The following OLFML2B variants were observed in gnomAD, a reference collection of about 807,000 sequenced individuals.
OLFML2B encodes olfactomedin-like protein 2B.
A neutral mutation model predicts 74.9 loss-of-function variants in OLFML2B; 57 were observed. That is an observed-to-expected ratio of 0.76 (90% confidence interval 0.61 to 0.95). The LOEUF (loss-of-function observed/expected upper bound fraction) is 0.95. OLFML2B is among the 40% of genes least tolerant of loss of function. OLFML2B has a pLI of 0.00. For synonymous variants in OLFML2B, 388 were observed against 405.8 expected (o/e 0.96, Z 0.53); for missense variants, 986 against 970.6 (o/e 1.02, Z -0.21).
intron 6 of OLFML2B, among the ~76,000 whole-genome samples, chr1:161,992,764 C>T (rs1453713125): frequency 6.6e-6 from 1 of 152,142 alleles, no homozygotes; most frequent in Non-Finnish European, 1.5e-5. Context: ...TGCTTTGTAT[C>T]GGTGTGGGTG....
chr1:162,006,881 A>G lies in OLFML2B; in HGVS notation c.547-408T>C, dbSNP rs781090653. Among the ~76,000 whole-genome samples, 55 of 152,332 alleles carry G rather than the reference A, an allele frequency of 3.6e-4. 1 individual carries two copies. Among genetic ancestry groups the G allele is most frequent in the Admixed American group, 5.9e-4 (9 of 15,304 alleles). ...TCTGAACCAGTAGCTCAGTTAATGA[A>G]AGAGGGGCTTTCTAAGCAATTTTGG... On this transcript the variant is annotated intron_variant, in intron 3 of 7. Transcript: ENST00000294794.
chr1:161,988,288 T>C (rs1689643738), intron 6 of OLFML2B, among the ~76,000 whole-genome samples: 1 of 152,128 alleles, frequency 6.6e-6, no homozygotes, highest in South Asian at 2.1e-4. Flanking sequence ...CCTCAGCATA[T>C]AAACCTCCTC....
chr1:161,987,659 A>G (rs1366056956), intron 6 of OLFML2B, among the ~76,000 whole-genome samples: 1 of 152,214 alleles, frequency 6.6e-6, no homozygotes, highest in Non-Finnish European at 1.5e-5. Flanking sequence ...ACTGTTAGAG[A>G]GTACATTTCT....
intron 2 of OLFML2B, 35 bp downstream of exon 2, chr1:162,019,884 T>C: frequency 1.2e-6 from 2 of 1,605,444 alleles, no homozygotes; most frequent in Non-Finnish European, 1.7e-6. Flanking sequence ...AAAAGTGCCC[T>C]CTCGTCCAAG....
Position 161,983,806 on chromosome 1 carries a change from T to C in OLFML2B, c.2122A>G (p.Ile708Val). The change falls in exon 8 of 8, where the codon ATC becomes GTC. Residue 708 changes from isoleucine to valine, a missense_variant. Ile to Val is a conservative substitution (Grantham distance 29, BLOSUM62 3). Coordinates refer to ENST00000294794, the MANE Select transcript of OLFML2B (RefSeq NM_015441.3). The part of the protein sequence containing the change: ...YAFDTHTNTQ[I>V]VPRLLFENEY... ...TTCTCGAACAGCAGCCTGGGGACGATCTGTGTGTTGGTGTGGGTGTCGAAA... is the reference window on the plus strand; with the variant it reads ...TTCTCGAACAGCAGCCTGGGGACGACCTGTGTGTTGGTGTGGGTGTCGAAA... 1.2e-6 allele frequency: 2 copies of C among 1,614,080 alleles called. No homozygotes were observed. Among genetic ancestry groups the C allele is most frequent in the Middle Eastern group, 1.6e-4 (1 of 6,062 alleles).
intron 2 of OLFML2B, among the ~76,000 whole-genome samples, chr1:162,019,658 G>A (rs2101980827): frequency 6.6e-6 from 1 of 152,254 alleles, no homozygotes; most frequent in East Asian, 1.9e-4. Flanking sequence ...TTGGCCAGCT[G>A]GGCCTGGCAG....
chr1:162,022,244 CTTTTTTTT>C (rs56395023), intron 1 of OLFML2B, among the ~76,000 whole-genome samples: 1 of 70,738 alleles, frequency 1.4e-5, no homozygotes, highest in African/African-American at 5.9e-5. Context: ...TGTATCTCTT[CTTTTTTTT>C]TTTTTTTTTT....
At chr1:162,019,855 T>G in intron 2 of OLFML2B, 64 bp downstream of exon 2, 2 of 1,574,722 alleles carry the variant, frequency 1.3e-6, no homozygotes, top group East Asian at 4.5e-5. Flanking sequence ...ACCATGGCCT[T>G]ACCAGACTTG....
Position 162,023,484 on chromosome 1 carries a change from G to T in OLFML2B, c.-54C>A. On this transcript the variant is annotated 5_prime_UTR_variant, in exon 1 of 8. Coordinates refer to ENST00000294794, the MANE Select transcript of OLFML2B (RefSeq NM_015441.3). ...CCTTCAGAGAATGGCTGGGGCGGGG[G>T]GTCTCGGCAAGGACTTCTGCGAGAG... is the stretch of plus-strand genomic sequence containing the variant. 7.2e-7 allele frequency: 1 copy of T among 1,382,430 alleles called. No individual in the cohort carries two copies. Among genetic ancestry groups the T allele is most frequent in the Non-Finnish European group, 9.5e-7 (1 of 1,056,492 alleles). 85.6% of individuals were successfully genotyped at this position (1,382,430 alleles called of 1,614,324 possible).
rs1482872581 is a variant in OLFML2B at position 161,983,763 on chromosome 1, G to T, written c.2165C>A (p.Thr722Asn). The T allele has an allele frequency of 3.1e-6, 5 of 1,613,922 alleles. No homozygotes were observed. In the Admixed American group the frequency reaches 5.0e-5, roughly 16 times the overall value. The change falls in exon 8 of 8, where the codon ACC becomes AAC. Residue 722 changes from threonine (T) to asparagine (N), a missense_variant. Thr to Asn is a moderately conservative substitution (Grantham distance 65). Transcript: ENST00000294794. Reference protein sequence around the residue: ...LLFENEYSYTTQIDYNPKDRL... With the variant: ...LLFENEYSYTNQIDYNPKDRL... ...GTCCTTGGGGTTGTAGTCTATCTGG[G>T]TCGTATAGGAATACTCATTCTCGAA...
rs1359206501 is a variant in OLFML2B, at chr1:162,000,202, C to A, written c.860G>T (p.Gly287Val). Residue 287 changes from glycine (G) to valine (V), a missense_variant, in exon 5 of 8, where the codon GGC becomes GTC. Gly to Val is a moderately radical substitution (Grantham distance 109). Coordinates refer to ENST00000294794, the MANE Select transcript of OLFML2B (RefSeq NM_015441.3). ...GACAGTGGGCTGGGAGGCCGGCCGG[C>A]CTCTCAGGTGGACCTGCCTCTGCAG... ...RPLQRQVHLR[G>V]RPASQPTVIR... 4 of 1,613,810 alleles carry A rather than the reference C, an allele frequency of 2.5e-6. No homozygotes were observed. The highest frequency in any genetic ancestry group is 4.5e-5 in the East Asian group (2 of 44,864).
At chr1:162,017,779 A>T (rs1690586265) in intron 2 of OLFML2B, among the ~76,000 whole-genome samples, 2 of 152,150 alleles carry the variant, frequency 1.3e-5, no homozygotes, top group Admixed American at 1.3e-4. Flanking sequence ...AACTGTTTAT[A>T]CCTCTTTTAT....
At chr1:162,009,909 G>A (rs1006523325) in intron 3 of OLFML2B, among the ~76,000 whole-genome samples, 1 of 152,216 alleles carries the variant, frequency 6.6e-6, no homozygotes, top group African/African-American at 2.4e-5. Context: ...GGGTACCCTC[G>A]ATTCTGCCCT....
intron 3 of OLFML2B, among the ~76,000 whole-genome samples, chr1:162,007,757 G>A (rs1040733969): frequency 2.0e-5 from 3 of 152,236 alleles, no homozygotes; most frequent in South Asian, 2.1e-4. Flanking sequence ...CAGACACCGC[G>A]GCTCCAGAGT....
intron 6 of OLFML2B, among the ~76,000 whole-genome samples, chr1:161,990,551 T>C (rs1401135324): frequency 6.6e-6 from 1 of 152,126 alleles, no homozygotes; most frequent in Non-Finnish European, 1.5e-5. Context: ...ACTTTATTAC[T>C]AAAAAATACT....
chr1:161,997,542 C>A (rs952403917), intron 6 of OLFML2B, among the ~76,000 whole-genome samples: 4 of 152,206 alleles, frequency 2.6e-5, no homozygotes, highest in South Asian at 2.1e-4. Context: ...GTATGGATAG[C>A]CCTCAACAAA....
intron 7 of OLFML2B, 93 bp downstream of exon 7, chr1:161,984,711 T>C: frequency 7.6e-7 from 1 of 1,318,106 alleles, no homozygotes; most frequent in Non-Finnish European, 1.1e-6. Context: ...ATCCTTCCTA[T>C]CCGTCATTAC....
chr1:161,989,969 A>G (rs888293474), intron 6 of OLFML2B, among the ~76,000 whole-genome samples: 4 of 152,226 alleles, frequency 2.6e-5, no homozygotes, highest in Non-Finnish European at 5.9e-5. Context: ...AAGGAACCCT[A>G]TCATATTCTT....
At chr1:162,017,551 G>A in intron 2 of OLFML2B, 44 bp from the exon 3 acceptor site, 1 of 1,429,998 alleles carries the variant, frequency 7.0e-7, no homozygotes, top group Non-Finnish European at 9.7e-7. Context: ...GGGGCACACA[G>A]ACACAGGGCA....
Sources: allele counts gnomAD v4.1 joint callset (sites outside exome capture counted in the v4.1 genomes callset), GRCh38; gene constraint gnomAD v4.1.1; transcripts MANE v1.5; gene names NCBI Gene and HGNC (gene_info 2026-07-23, HGNC 2026-07-21).